SEMA5A: variants seen among roughly 807,000 people sequenced by gnomAD.
SEMA5A encodes the protein semaphorin-5A.
A neutral mutation model predicts 135.5 loss-of-function variants in SEMA5A; 55 were observed. The observed-to-expected ratio is 0.41, with a 90% confidence interval of 0.33 to 0.51. The LOEUF (loss-of-function observed/expected upper bound fraction) is 0.51. Ranked by LOEUF, SEMA5A falls within the 20% of genes least tolerant of loss-of-function variation. The pLI is 0.37. For synonymous variants in SEMA5A, 580 were observed against 546.5 expected (o/e 1.06, Z -0.85); for missense variants, 1,290 against 1,419.9 (o/e 0.91, Z 1.47).
intron 1 of SEMA5A, among the ~76,000 whole-genome samples, chr5:9,534,254 C>T (rs78742680): frequency 0.015 from 2,277 of 152,270 alleles, 54 homozygotes; most frequent in African/African-American, 0.051. Flanking sequence ...TTAATGATGA[C>T]GCTGCCACAC....
intron 16 of SEMA5A, among the ~76,000 whole-genome samples, chr5:9,100,491 C>T (rs1739566257): frequency 6.6e-6 from 1 of 152,182 alleles, no homozygotes; most frequent in Admixed American, 6.5e-5. Context: ...GAAGGTGACA[C>T]ACTCCCGAGA....
intron 5 of SEMA5A, among the ~76,000 whole-genome samples, chr5:9,269,556 G>A (rs949676556): frequency 3.3e-5 from 5 of 152,070 alleles, no homozygotes; most frequent in African/African-American, 1.2e-4. Flanking sequence ...CCAAAAAATG[G>A]TGAGGTAGAG....
chr5:9,095,999 G>A (rs1282417273), intron 16 of SEMA5A, among the ~76,000 whole-genome samples: 2 of 152,188 alleles, frequency 1.3e-5, no homozygotes, highest in East Asian at 1.9e-4. Context: ...TTACGAGGTA[G>A]TGATTTAATT....
At chr5:9,279,547 G>A (rs1579777030) in intron 5 of SEMA5A, among the ~76,000 whole-genome samples, 1 of 152,128 alleles carries the variant, frequency 6.6e-6, no homozygotes, top group South Asian at 2.1e-4. Context: ...AGGGGCTGGG[G>A]CAGAATGATA....
At chr5:9,099,331 T>A (rs1342364050) in intron 16 of SEMA5A, among the ~76,000 whole-genome samples, 2 of 152,204 alleles carry the variant, frequency 1.3e-5, no homozygotes, top group Non-Finnish European at 2.9e-5. Context: ...ACTTTGACAA[T>A]CTTTCATATT....
At chr5:9,198,857 C>T (rs1368479502) in intron 9 of SEMA5A, among the ~76,000 whole-genome samples, 1 of 152,082 alleles carries the variant, frequency 6.6e-6, no homozygotes, top group Admixed American at 6.5e-5. Flanking sequence ...TCCAGGCATG[C>T]CTTGGGCCAG....
At chr5:9,541,401 C>T (rs1427730194) in intron 1 of SEMA5A, among the ~76,000 whole-genome samples, 1 of 152,076 alleles carries the variant, frequency 6.6e-6, no homozygotes, top group Non-Finnish European at 1.5e-5. Context: ...AATACAGTGA[C>T]AAATAATGAG....
intron 4 of SEMA5A, among the ~76,000 whole-genome samples, chr5:9,333,831 GC>G (rs1178249009): frequency 6.6e-6 from 1 of 151,976 alleles, no homozygotes; most frequent in African/African-American, 2.4e-5. Flanking sequence ...TTTTCTTTAT[GC>G]TTTACTGTAT....
chr5:9,049,769 CA>C (rs753264249), intron 21 of SEMA5A, among the ~76,000 whole-genome samples: 14 of 152,198 alleles, frequency 9.2e-5, no homozygotes, highest in Non-Finnish European at 1.9e-4. Flanking sequence ...ACAACACAGA[CA>C]AGTACTTTAT....
intron 1 of SEMA5A, among the ~76,000 whole-genome samples, chr5:9,543,546 A>G (rs1738210026): frequency 6.6e-6 from 1 of 152,234 alleles, no homozygotes; most frequent in African/African-American, 2.4e-5. Flanking sequence ...GCTGTTTGAC[A>G]TTATAACAAC....
chr5:9,267,642 C>A (rs1749752975), intron 5 of SEMA5A, among the ~76,000 whole-genome samples: 1 of 152,128 alleles, frequency 6.6e-6, no homozygotes, highest in Admixed American at 6.5e-5. Flanking sequence ...ATTCCTCTGA[C>A]TGCCCTGGTC....
intron 3 of SEMA5A, among the ~76,000 whole-genome samples, chr5:9,355,212 CAGCTTGCAGCTAT>C (rs140255525): frequency 0.04 from 6,060 of 152,182 alleles, 190 homozygotes; most frequent in Non-Finnish European, 0.057. Flanking sequence ...GAGGCTGATT[CAGCTTGCAGCTAT>C]AGTTTTGCCA....
chr5:9,173,062 G>GA (rs530119103), intron 11 of SEMA5A, among the ~76,000 whole-genome samples: 2 of 151,842 alleles, frequency 1.3e-5, no homozygotes, highest in South Asian at 4.2e-4. Flanking sequence ...TCTTAAATGG[G>GA]AAAAAAATTC....
chr5:9,194,405 A>G (rs2150354479), intron 10 of SEMA5A, among the ~76,000 whole-genome samples: 1 of 152,358 alleles, frequency 6.6e-6, no homozygotes, highest in African/African-American at 2.4e-5. Context: ...GTATGTAAGT[A>G]CTGCACAAAA....
intron 17 of SEMA5A, among the ~76,000 whole-genome samples, chr5:9,063,511 T>G (rs940716850): frequency 1.3e-5 from 2 of 152,190 alleles, no homozygotes; most frequent in African/African-American, 4.8e-5. Context: ...GACCTCCATC[T>G]GGAGGAAGGG....
At chr5:9,279,967 T>C (rs1032444977) in intron 5 of SEMA5A, among the ~76,000 whole-genome samples, 1 of 152,172 alleles carries the variant, frequency 6.6e-6, no homozygotes, top group Non-Finnish European at 1.5e-5. Context: ...CATATGACCA[T>C]TTTGTCACTG....
chr5:9,230,969 C>T (rs1226972678), intron 6 of SEMA5A, among the ~76,000 whole-genome samples: 3 of 152,202 alleles, frequency 2.0e-5, no homozygotes, highest in Non-Finnish European at 2.9e-5. Context: ...TAAAGGCATC[C>T]TCATGTTTAA....
intron 18 of SEMA5A, among the ~76,000 whole-genome samples, chr5:9,061,863 A>C (rs564811299): frequency 1.3e-5 from 2 of 152,144 alleles, no homozygotes; most frequent in Admixed American, 1.3e-4. Context: ...GACAGAAGAC[A>C]TGAGGACCAA....
chr5:9,126,536 G>A (rs574815017), intron 13 of SEMA5A, among the ~76,000 whole-genome samples: 37 of 147,854 alleles, frequency 2.5e-4, no homozygotes, highest in African/African-American at 8.9e-4. Flanking sequence ...CAAATGCACT[G>A]GGAACAACAG....
Sources: gnomAD v4.1 joint callset for allele counts (sites outside exome capture counted in the v4.1 genomes callset) on GRCh38, gnomAD v4.1.1 for gene constraint, MANE v1.5 for transcripts, NCBI Gene and HGNC (gene_info 2026-07-23, HGNC 2026-07-21) for gene names.